The following ADGRL2 variants were observed in gnomAD, a reference collection of about 807,000 sequenced individuals.
The protein encoded by ADGRL2 is adhesion G protein-coupled receptor L2.
In ADGRL2, 44 loss-of-function variants were observed where a neutral mutation model predicts 157.4. That is an observed-to-expected ratio of 0.28 (90% CI 0.22 to 0.36). The LOEUF (loss-of-function observed/expected upper bound fraction) is 0.36, where lower values mean the gene tolerates loss of function less well. Ranked by LOEUF, ADGRL2 falls within the 10% of genes least tolerant of loss-of-function variation. The probability of loss-of-function intolerance (pLI) is 1.00; values close to 1 mark genes in which losing one functional copy is unlikely to be tolerated. For synonymous variants in ADGRL2, 585 were observed against 624.7 expected (o/e 0.94, Z 0.95); for missense variants, 1,510 against 1,768.9 (o/e 0.85, Z 2.63).
At chr1:81,660,412 GT>G (rs2082626371) in intron 3 of ADGRL2, among the ~76,000 whole-genome samples, 1 of 152,150 alleles carries the variant, frequency 6.6e-6, no homozygotes, top group African/African-American at 2.4e-5. Flanking sequence ...CTCTGAGGCA[GT>G]TTTTCTCTGT....
intron 3 of ADGRL2, among the ~76,000 whole-genome samples, chr1:81,608,128 G>A (rs1047077108): frequency 2.0e-5 from 3 of 152,158 alleles, no homozygotes; most frequent in Admixed American, 6.5e-5. Context: ...CTGCTACACT[G>A]AGTGGCACGT....
chr1:81,530,083 CA>C (rs1278263712), intron 2 of ADGRL2, among the ~76,000 whole-genome samples: 1 of 152,102 alleles, frequency 6.6e-6, no homozygotes, highest in African/African-American at 2.4e-5. Context: ...ACTCAATATG[CA>C]CTGGGATCAA....
chr1:81,494,372 G>A (rs2078691482), intron 2 of ADGRL2, among the ~76,000 whole-genome samples: 1 of 152,110 alleles, frequency 6.6e-6, no homozygotes. Context: ...TTCTGAAGAT[G>A]AACAGTTTAT....
At chr1:81,492,826 G>A (rs185756848) in intron 2 of ADGRL2, among the ~76,000 whole-genome samples, 2 of 152,252 alleles carry the variant, frequency 1.3e-5, no homozygotes, top group East Asian at 3.9e-4. Context: ...TGCTTAAGTA[G>A]GGACTGATGA....
Position 81,912,681 on chromosome 1 carries a change from G to C in ADGRL2, c.287+5451G>C, listed in dbSNP as rs575703363. ...AGGTAAAATTGCCATAAAAAAAAAC[G>C]GAACAGACGTGGGAGAATTAATGTT... is the stretch of plus-strand genomic sequence containing the variant. On this transcript the variant is annotated intron_variant, in intron 3 of 23. Coordinates refer to ENST00000686636, the MANE Select transcript of ADGRL2 (RefSeq NM_001366006.2). 3.3e-5 allele frequency among the ~76,000 whole-genome samples: 5 copies of C among 151,714 alleles called. No homozygotes were observed. In the South Asian group the frequency reaches 1.0e-3, roughly 32 times the overall value.
At chr1:81,383,692 C>T (rs995810166) in intron 1 of ADGRL2, among the ~76,000 whole-genome samples, 33 of 148,502 alleles carry the variant, frequency 2.2e-4, no homozygotes, top group South Asian at 4.3e-4. Flanking sequence ...GCCGGGTGCA[C>T]GGTGGCTCAC....
rs149522214 is a variant in ADGRL2, at chr1:81,511,400, GCACACACA to G, written c.-248+66330_-248+66337del. ...CAGAAAAAAAAAAAAAAAAAAGCGC[GCACACACA>G]CACACACACACACACACATAGACAC... On this transcript the variant is annotated intron_variant, in intron 2 of 24. Coordinates refer to the ADGRL2 transcript ENST00000370721. Among the ~76,000 whole-genome samples, 6 of 127,236 alleles carry G rather than the reference GCACACACA, an allele frequency of 4.7e-5. No individual in the cohort carries two copies. In the South Asian group the frequency reaches 1.0e-3, roughly 21 times the overall value. 83.5% of individuals were successfully genotyped at this position (127,236 alleles called of 152,430 possible).
At chr1:81,417,880 C>T (rs1046643511) in intron 1 of ADGRL2, among the ~76,000 whole-genome samples, 2 of 152,032 alleles carry the variant, frequency 1.3e-5, no homozygotes, top group African/African-American at 2.4e-5. Context: ...TTAAATTAAC[C>T]CCAACCACCA....
intron 1 of ADGRL2, among the ~76,000 whole-genome samples, chr1:81,706,793 C>CA (rs2083751561): frequency 6.6e-6 from 1 of 152,034 alleles, no homozygotes; most frequent in African/African-American, 2.4e-5. Flanking sequence ...GGAGGAGACA[C>CA]AGACAAGGAA....
chr1:81,952,995 A>G lies in ADGRL2; in HGVS notation c.1803A>G (p.Lys601=). ...TTTCTTTTACTTAAAAGCTCCAAAAACGAGAGAAGACATGCAGGGCTTACC... is the reference window on the plus strand; with the variant it reads ...TTTCTTTTACTTAAAAGCTCCAAAAGCGAGAGAAGACATGCAGGGCTTACC... ...SAGRSYNKLQ[K]REKTCRAYLK... is the part of the protein sequence containing the mutation. Residue 601 remains lysine, a synonymous_variant, in exon 10 of 24, where the codon AAA becomes AAG. Coordinates refer to ENST00000686636, the MANE Select transcript of ADGRL2 (RefSeq NM_001366006.2). 3.7e-6 allele frequency: 6 copies of G among 1,611,864 alleles called. No homozygotes were observed. The highest frequency in any genetic ancestry group is 5.1e-6 in the Non-Finnish European group (6 of 1,179,208).
chr1:81,940,619 G>A (rs950032516), intron 4 of ADGRL2, among the ~76,000 whole-genome samples: 1 of 151,446 alleles, frequency 6.6e-6, no homozygotes, highest in Non-Finnish European at 1.5e-5. Flanking sequence ...GTTTCAGAAG[G>A]CCAACATTTA....
In ADGRL2 at chr1:81,457,599, T is replaced by C. The variant is rs2077833721; in HGVS notation, c.-248+12510T>C. Among the ~76,000 whole-genome samples, 4 of 152,336 alleles carry C rather than the reference T, an allele frequency of 2.6e-5. No individual in the cohort carries two copies. In the South Asian group the frequency reaches 6.2e-4, roughly 24 times the overall value. On this transcript the variant is annotated intron_variant, in intron 2 of 24. Transcript: ENST00000370721. ...AAAATGTCACTAGCAAAAAAACTTT[T>C]TTTCTTTTACTTTTTGTTAAATTCC...
At chr1:81,345,391 G>A (rs1038139845) in intron 1 of ADGRL2, among the ~76,000 whole-genome samples, 6 of 152,044 alleles carry the variant, frequency 3.9e-5, no homozygotes, top group Non-Finnish European at 7.4e-5. Flanking sequence ...TGATACATAC[G>A]CATTTTAAAG....
chr1:81,456,537 C>A (rs1025113342), intron 2 of ADGRL2, among the ~76,000 whole-genome samples: 1 of 152,094 alleles, frequency 6.6e-6, no homozygotes, highest in East Asian at 1.9e-4. Flanking sequence ...CACTCCTGAT[C>A]CCACTTTTTA....
chr1:81,444,144 C>T (rs1258681016), intron 1 of ADGRL2, among the ~76,000 whole-genome samples: 4 of 152,196 alleles, frequency 2.6e-5, no homozygotes, highest in Admixed American at 6.5e-5. Flanking sequence ...CAATGGCAGG[C>T]ATTTACTTTG....
At position 81,844,666 on chromosome 1, in the gene ADGRL2, A is replaced by G. The variant is rs374518004; in HGVS notation, c.73+7609A>G. On this transcript the variant is annotated intron_variant, in intron 2 of 23. Coordinates refer to ENST00000686636, the MANE Select transcript of ADGRL2 (RefSeq NM_001366006.2). ...TTTGGATTAGTGAGTATCTCATGGC[A>G]TCTTTCAACCCTATTCCTGAACTCC... is the stretch of plus-strand genomic sequence containing the variant. Among the ~76,000 whole-genome samples the G allele has an allele frequency of 3.9e-5, 6 of 152,322 alleles. 1 individual carries two copies. Among genetic ancestry groups the G allele is most frequent in the African/African-American group, 1.2e-4 (5 of 41,594 alleles).
intron 1 of ADGRL2, among the ~76,000 whole-genome samples, chr1:81,360,651 C>T (rs1378511636): frequency 6.6e-6 from 1 of 151,596 alleles, no homozygotes; most frequent in Non-Finnish European, 1.5e-5. Flanking sequence ...ATCATAGCCA[C>T]CTTTTCTCAT....
intron 3 of ADGRL2, among the ~76,000 whole-genome samples, chr1:81,936,428 G>A (rs943830149): frequency 3.3e-5 from 5 of 151,588 alleles, no homozygotes; most frequent in Admixed American, 6.6e-5. Context: ...TCTTGTTGTC[G>A]TTCAGTTCAT....
chr1:81,631,897 G>A (rs2082017343), intron 3 of ADGRL2, among the ~76,000 whole-genome samples: 1 of 152,088 alleles, frequency 6.6e-6, no homozygotes, highest in Admixed American at 6.5e-5. Flanking sequence ...CCTTGATGCT[G>A]ATTACAGTTC....
Sources: gnomAD v4.1 joint callset for allele counts (sites outside exome capture counted in the v4.1 genomes callset) on GRCh38, gnomAD v4.1.1 for gene constraint, MANE v1.5 for transcripts, NCBI Gene and HGNC (gene_info 2026-07-23, HGNC 2026-07-21) for gene names.